Variants in SH3RF3 observed in about 807,000 individuals in gnomAD.
SH3RF3 encodes E3 ubiquitin-protein ligase SH3RF3.
Under a neutral mutation model 66.3 loss-of-function variants are expected in SH3RF3, and 29 were observed. The ratio of observed to expected loss-of-function variants is 0.44; its 90% confidence interval spans 0.33 to 0.60. The LOEUF (loss-of-function observed/expected upper bound fraction) is 0.60, where lower values mean the gene tolerates loss of function less well. Among genes scored for constraint, SH3RF3 ranks in the 20% least tolerant of loss-of-function variants. The pLI is 0.04. For missense variants in SH3RF3, 1,194 were observed against 1,190.9 expected (o/e 1.00, Z -0.04); for synonymous variants, 583 against 532.0 (o/e 1.10, Z -1.32).
chr2:109,138,331 A>T (rs1438580993), intron 1 of SH3RF3, among the ~76,000 whole-genome samples: 1 of 152,206 alleles, frequency 6.6e-6, no homozygotes, highest in East Asian at 1.9e-4. Flanking sequence ...CTGGCCTCTC[A>T]GATAGAAATT....
Position 109,501,735 on chromosome 2 carries a change from CAGAG to C in SH3RF3, c.*67_*70del. Reference sequence around the variant, plus strand: ...GCCGCCTGGGAAGCTCCACGGCACACAGAGAGGGAGCCATGGCGCCCCAAGGGTT... The same window carrying C: ...GCCGCCTGGGAAGCTCCACGGCACACAGGGAGCCATGGCGCCCCAAGGGTT... On this transcript the variant is annotated 3_prime_UTR_variant, in exon 10 of 10. Coordinates refer to ENST00000309415, the MANE Select transcript of SH3RF3 (RefSeq NM_001099289.3). 2 of 695,902 alleles carry C rather than the reference CAGAG, an allele frequency of 2.9e-6. No homozygotes were observed. Among genetic ancestry groups the C allele is most frequent in the South Asian group, 1.5e-5 (1 of 65,548 alleles). The allele number at this position is 695,902 out of a possible 1,614,324, so 43.1% of individuals were successfully genotyped here.
intron 1 of SH3RF3, among the ~76,000 whole-genome samples, chr2:109,256,604 G>C (rs997230775): frequency 6.6e-6 from 1 of 152,158 alleles, no homozygotes; most frequent in Admixed American, 6.5e-5. Flanking sequence ...TGAGAGCTTC[G>C]AGGGGATTTG....
At chr2:109,248,884 C>G (rs1209964714) in intron 1 of SH3RF3, among the ~76,000 whole-genome samples, 1 of 81,394 alleles carries the variant, frequency 1.2e-5, no homozygotes, top group Non-Finnish European at 2.5e-5. Flanking sequence ...CCTTTCCTGT[C>G]CTTTCCTGTC....
chr2:109,439,218 G>A (rs1464608745), intron 7 of SH3RF3, among the ~76,000 whole-genome samples: 1 of 152,128 alleles, frequency 6.6e-6, no homozygotes, highest in Non-Finnish European at 1.5e-5. Flanking sequence ...AGGGTGCCAC[G>A]AGCATTCTCT....
chr2:109,155,257 T>C (rs952549713), intron 1 of SH3RF3, among the ~76,000 whole-genome samples: 1 of 152,230 alleles, frequency 6.6e-6, no homozygotes, highest in Non-Finnish European at 1.5e-5. Flanking sequence ...ATTTGTGGAA[T>C]AATTTTCCCA....
At chr2:109,177,710 G>A (rs1189096444) in intron 1 of SH3RF3, among the ~76,000 whole-genome samples, 2 of 152,110 alleles carry the variant, frequency 1.3e-5, no homozygotes, top group African/African-American at 4.8e-5. Context: ...GAATAACTTA[G>A]GACAGGTAGA....
chr2:109,500,221 GTT>G (rs1387495521), intron 9 of SH3RF3, among the ~76,000 whole-genome samples: 1 of 152,160 alleles, frequency 6.6e-6, no homozygotes. Flanking sequence ...TGTTCAAGTT[GTT>G]ATAGGCAGAG....
chr2:109,339,224 G>A (rs575149185), intron 1 of SH3RF3, among the ~76,000 whole-genome samples: 7 of 142,462 alleles, frequency 4.9e-5, no homozygotes, highest in African/African-American at 1.8e-4. Flanking sequence ...AAAAATCCAC[G>A]TATAAGTAGA....
chr2:109,174,157 C>G (rs982916587), intron 1 of SH3RF3, among the ~76,000 whole-genome samples: 4 of 152,198 alleles, frequency 2.6e-5, no homozygotes, highest in African/African-American at 9.7e-5. Flanking sequence ...ACCAGAGGCT[C>G]CAGGATGTTG....
intron 1 of SH3RF3, among the ~76,000 whole-genome samples, chr2:109,302,458 C>T (rs992821306): frequency 6.6e-6 from 1 of 152,242 alleles, no homozygotes; most frequent in Admixed American, 6.5e-5. Context: ...AATAACCAGG[C>T]ACAACATGTG....
intron 1 of SH3RF3, among the ~76,000 whole-genome samples, chr2:109,298,513 C>T (rs931269834): frequency 6.6e-6 from 1 of 152,098 alleles, no homozygotes; most frequent in African/African-American, 2.4e-5. Flanking sequence ...TCACTTTGCT[C>T]CAGGTGGTGA....
intron 1 of SH3RF3, among the ~76,000 whole-genome samples, chr2:109,249,014 T>G (rs1679991931): frequency 6.6e-6 from 1 of 152,166 alleles, no homozygotes; most frequent in Non-Finnish European, 1.5e-5. Flanking sequence ...CCTGAGTAGC[T>G]GGGACTATAG....
In SH3RF3 at chr2:109,129,404, C is replaced by T; in HGVS notation, c.-137C>T. ...CCACTTCGCACCGCCACAGCCCTAG[C>T]ATCGGGCCACCAGCCGGGGTGAAGA... is the stretch of plus-strand genomic sequence containing the variant. On this transcript the variant is annotated 5_prime_UTR_variant, in exon 1 of 10. Transcript: ENST00000309415. 7.1e-7 allele frequency: 1 copy of T among 1,403,040 alleles called. No homozygotes were observed. Among genetic ancestry groups the T allele is most frequent in the Non-Finnish European group, 9.6e-7 (1 of 1,043,672 alleles). 86.9% of individuals were successfully genotyped at this position (1,403,040 alleles called of 1,614,324 possible). A position where few individuals can be genotyped will look rare whatever the true frequency, so the allele number is the denominator to read the frequency against.
At chr2:109,148,141 T>C (rs1208245332) in intron 1 of SH3RF3, among the ~76,000 whole-genome samples, 1 of 152,230 alleles carries the variant, frequency 6.6e-6, no homozygotes, top group African/African-American at 2.4e-5. Context: ...TTTGGTCTCA[T>C]GCACCCAGTA....
Position 109,436,900 on chromosome 2 carries a change from G to C in SH3RF3, c.1582G>C (p.Ala528Pro), listed in dbSNP as rs375463875. ...TCTGCTTTCTCTCCACAGGGTGCCT[G>C]CAGGAGGGGCAGGGCCGCCCCGGAA... ...NYVTPVSRVP[A>P]GGAGPPRNNV... The change falls in exon 7 of 10, where the codon GCA becomes CCA. Residue 528 changes from alanine (A) to proline (P), a missense_variant. By Grantham distance (27) the Ala-to-Pro change is conservative. Coordinates refer to ENST00000309415, the MANE Select transcript of SH3RF3 (RefSeq NM_001099289.3). 9.3e-6 allele frequency: 15 copies of C among 1,613,240 alleles called. No homozygotes were observed. In the African/African-American group the frequency reaches 1.5e-4, roughly 16 times the overall value.
chr2:109,185,900 G>A (rs1167401366), intron 1 of SH3RF3, among the ~76,000 whole-genome samples: 1 of 152,236 alleles, frequency 6.6e-6, no homozygotes, highest in Non-Finnish European at 1.5e-5. Context: ...TGGTGTGGAT[G>A]CATCCTCCCC....
intron 1 of SH3RF3, among the ~76,000 whole-genome samples, chr2:109,209,316 G>A (rs746067324): frequency 1.2e-4 from 18 of 152,168 alleles, no homozygotes; most frequent in Non-Finnish European, 2.2e-4. Context: ...GACCATGACT[G>A]AGTTTTCTTG....
chr2:109,216,679 A>G (rs1679107339), intron 1 of SH3RF3, among the ~76,000 whole-genome samples: 1 of 152,260 alleles, frequency 6.6e-6, no homozygotes, highest in Non-Finnish European at 1.5e-5. Flanking sequence ...CTCTCTAGCC[A>G]GTGCCCAAGG....
chr2:109,180,206 A>G (rs1678044420), intron 1 of SH3RF3, among the ~76,000 whole-genome samples: 1 of 150,900 alleles, frequency 6.6e-6, no homozygotes. Flanking sequence ...CCACTGAACC[A>G]CTGCCCTCCA....
Sources: allele counts gnomAD v4.1 joint callset (sites outside exome capture counted in the v4.1 genomes callset), GRCh38; gene constraint gnomAD v4.1.1; transcripts MANE v1.5; gene names NCBI Gene and HGNC (gene_info 2026-07-23, HGNC 2026-07-21).